Variants in TAFA1 observed in about 807,000 individuals in gnomAD.
TAFA1 encodes TAFA chemokine like family member 1.
A neutral mutation model predicts 18.5 loss-of-function variants in TAFA1; 4 were observed. The ratio of observed to expected loss-of-function variants is 0.22; its 90% CI spans 0.11 to 0.49. The LOEUF (loss-of-function observed/expected upper bound fraction) is 0.49, where lower values mean the gene tolerates loss of function less well. TAFA1 is among the 20% of genes least tolerant of loss of function. The pLI is 0.98. For missense variants in TAFA1, 147 were observed against 169.0 expected (o/e 0.87, Z 0.72); for synonymous variants, 56 against 55.2 (o/e 1.01, Z -0.06).
intron 2 of TAFA1, among the ~76,000 whole-genome samples, chr3:68,401,393 C>A (rs931424041): frequency 6.6e-6 from 1 of 152,110 alleles, no homozygotes; most frequent in Non-Finnish European, 1.5e-5. Flanking sequence ...TATTGTGAAT[C>A]GCAGAAAATC....
chr3:68,073,377 A>C (rs1002951034), intron 2 of TAFA1, among the ~76,000 whole-genome samples: 1 of 152,244 alleles, frequency 6.6e-6, no homozygotes, highest in Non-Finnish European at 1.5e-5. Context: ...GGTCCACAGG[A>C]CTAGAGCAAT....
chr3:68,142,395 T>C (rs1408929825), intron 2 of TAFA1, among the ~76,000 whole-genome samples: 1 of 152,178 alleles, frequency 6.6e-6, no homozygotes. Context: ...ACCTTCTGCA[T>C]TAAAGGACGC....
intron 2 of TAFA1, among the ~76,000 whole-genome samples, chr3:68,058,351 G>T (rs2064560873): frequency 6.6e-6 from 1 of 152,096 alleles, no homozygotes; most frequent in Non-Finnish European, 1.5e-5. Flanking sequence ...CATAATAACA[G>T]CTCAAAAACA....
intron 2 of TAFA1, among the ~76,000 whole-genome samples, chr3:68,023,382 G>T (rs114690441): frequency 0.018 from 2,745 of 152,086 alleles, 100 homozygotes; most frequent in African/African-American, 0.063. Context: ...GAGTTTTGTA[G>T]GTTCAACATC....
intron 2 of TAFA1, among the ~76,000 whole-genome samples, chr3:68,379,530 G>A (rs540216664): frequency 4.9e-4 from 74 of 152,018 alleles, no homozygotes; most frequent in Non-Finnish European, 4.0e-4. Flanking sequence ...TGCTTTTGTC[G>A]TAATTGCTTT....
At chr3:68,376,323 G>T (rs1241469293) in intron 2 of TAFA1, among the ~76,000 whole-genome samples, 5 of 146,220 alleles carry the variant, frequency 3.4e-5, no homozygotes, top group African/African-American at 1.0e-4. Flanking sequence ...TGTGTCATGG[G>T]TTTTTTTTTT....
chr3:68,385,045 G>C (rs766577856), intron 2 of TAFA1, among the ~76,000 whole-genome samples: 13 of 151,444 alleles, frequency 8.6e-5, no homozygotes, highest in Non-Finnish European at 1.6e-4. Flanking sequence ...CCTTTATTTT[G>C]AACCTATGCA....
intron 2 of TAFA1, among the ~76,000 whole-genome samples, chr3:68,114,068 C>G (rs1047127515): frequency 1.3e-5 from 2 of 151,954 alleles, no homozygotes; most frequent in African/African-American, 2.4e-5. Context: ...CCATGCCCAG[C>G]TAATTTTTGT....
intron 3 of TAFA1, among the ~76,000 whole-genome samples, chr3:68,445,050 G>A (rs2071452701): frequency 6.6e-6 from 1 of 151,934 alleles, no homozygotes; most frequent in African/African-American, 2.4e-5. Flanking sequence ...TGAGAATAGA[G>A]CCCATATCTG....
At chr3:68,306,605 C>A (rs180899331) in intron 2 of TAFA1, among the ~76,000 whole-genome samples, 1 of 152,124 alleles carries the variant, frequency 6.6e-6, no homozygotes, top group African/African-American at 2.4e-5. Flanking sequence ...GTGTCCCCTC[C>A]GCCTCCACCT....
chr3:68,131,682 C>T (rs1235180525), intron 2 of TAFA1, among the ~76,000 whole-genome samples: 2 of 152,212 alleles, frequency 1.3e-5, no homozygotes, highest in African/African-American at 4.8e-5. Flanking sequence ...GGGCTGCATA[C>T]AGCCATCAGC....
intron 2 of TAFA1, among the ~76,000 whole-genome samples, chr3:68,231,344 A>ATTTTTTTTTTTT (rs1175174572): frequency 6.3e-5 from 5 of 79,876 alleles, no homozygotes; most frequent in Non-Finnish European, 9.6e-5. Flanking sequence ...AATCTATTTG[A>ATTTTTTTTTTTT]TTTTTTTTTT....
rs572387748 is a variant in TAFA1, at chr3:68,391,802, G to C, written c.119-25478G>C. 2.6e-5 allele frequency among the ~76,000 whole-genome samples: 4 copies of C among 152,192 alleles called. No individual in the cohort carries two copies. In the South Asian group the frequency reaches 8.3e-4, roughly 32 times the overall value. On this transcript the variant is annotated intron_variant, in intron 2 of 4. Coordinates refer to ENST00000478136, the MANE Select transcript of TAFA1 (RefSeq NM_213609.4). Reference sequence around the variant, plus strand: ...GAGAAGTAAAATCCTTTACAGACAAGCAAATGCTGAGGGATTTTGTCACCA... The same window carrying C: ...GAGAAGTAAAATCCTTTACAGACAACCAAATGCTGAGGGATTTTGTCACCA...
intron 2 of TAFA1, among the ~76,000 whole-genome samples, chr3:68,131,030 A>G (rs936229396): frequency 6.6e-6 from 1 of 152,092 alleles, no homozygotes; most frequent in African/African-American, 2.4e-5. Flanking sequence ...TCACCATTTC[A>G]TCCTTAGTAA....
At chr3:68,536,187 T>C (rs1259924814) in intron 3 of TAFA1, among the ~76,000 whole-genome samples, 4 of 152,184 alleles carry the variant, frequency 2.6e-5, no homozygotes, top group Non-Finnish European at 5.9e-5. Flanking sequence ...AGGGGAAGAC[T>C]GAAGTAAGAA....
At chr3:68,479,147 C>G (rs1258627663) in intron 3 of TAFA1, among the ~76,000 whole-genome samples, 2 of 148,290 alleles carry the variant, frequency 1.3e-5, no homozygotes, top group Non-Finnish European at 3.0e-5. Context: ...AGGAGAATCG[C>G]TTGAACCCAG....
At chr3:68,377,040 A>C (rs262196) in intron 2 of TAFA1, among the ~76,000 whole-genome samples, 146,975 of 152,250 alleles carry the variant, frequency 0.97, 71,178 homozygotes, top group East Asian at 1. Context: ...GAGGTTTCCC[A>C]AGCCATATGG....
chr3:68,168,287 C>T (rs947069820), intron 2 of TAFA1, among the ~76,000 whole-genome samples: 1 of 152,132 alleles, frequency 6.6e-6, no homozygotes, highest in East Asian at 1.9e-4. Flanking sequence ...AAATGTGTCT[C>T]TATGAATTTT....
chr3:68,512,183 T>C (rs2072857046), intron 3 of TAFA1, among the ~76,000 whole-genome samples: 2 of 152,122 alleles, frequency 1.3e-5, no homozygotes, highest in Non-Finnish European at 2.9e-5. Context: ...AGTGTACCAA[T>C]AACTAGACTT....
Sources: allele counts gnomAD v4.1 joint callset (sites outside exome capture counted in the v4.1 genomes callset), GRCh38; gene constraint gnomAD v4.1.1; transcripts MANE v1.5; gene names NCBI Gene and HGNC (gene_info 2026-07-23, HGNC 2026-07-21).